The following DENND2A variants were observed in gnomAD, a reference collection of about 807,000 sequenced individuals.
The protein encoded by DENND2A is DENN domain-containing protein 2A.
In DENND2A, 53 loss-of-function variants were observed where a neutral mutation model predicts 105.3. The observed-to-expected ratio is 0.50, with a 90% confidence interval of 0.40 to 0.63. The LOEUF (loss-of-function observed/expected upper bound fraction) is 0.63. Ranked by LOEUF, DENND2A falls within the 30% of genes least tolerant of loss-of-function variation. DENND2A has a pLI of 0.00. For missense variants in DENND2A, 1,138 were observed against 1,279.6 expected (o/e 0.89, Z 1.69); for synonymous variants, 522 against 508.4 (o/e 1.03, Z -0.36).
intron 1 of DENND2A, among the ~76,000 whole-genome samples, chr7:140,627,654 T>C (rs1800583430): frequency 6.6e-6 from 1 of 151,986 alleles, no homozygotes; most frequent in Admixed American, 6.6e-5. Context: ...CCCAATTAGC[T>C]GGGACCAAAG....
At chr7:140,564,395 G>A (rs1797754056) in intron 9 of DENND2A, among the ~76,000 whole-genome samples, 1 of 151,984 alleles carries the variant, frequency 6.6e-6, no homozygotes, top group African/African-American at 2.4e-5. Flanking sequence ...TCACATATTG[G>A]AACATTGTAT....
intron 5 of DENND2A, among the ~76,000 whole-genome samples, chr7:140,579,123 T>C (rs986110041): frequency 6.6e-6 from 1 of 151,970 alleles, no homozygotes; most frequent in African/African-American, 2.4e-5. Context: ...TGAAACCCCA[T>C]CTCTACTAAA....
intron 1 of DENND2A, among the ~76,000 whole-genome samples, chr7:140,633,370 G>T (rs770126800): frequency 6.6e-6 from 1 of 151,768 alleles, no homozygotes; most frequent in Non-Finnish European, 1.5e-5. Context: ...GGCCAGGCTG[G>T]TCTCAAACTC....
At chr7:140,626,428 C>T (rs184483061) in intron 1 of DENND2A, among the ~76,000 whole-genome samples, 50 of 152,282 alleles carry the variant, frequency 3.3e-4, no homozygotes, top group African/African-American at 1.1e-3. Flanking sequence ...AAGGACCACC[C>T]GGTGTGATCT....
At chr7:140,540,875 G>A (rs1476010068) in intron 14 of DENND2A, among the ~76,000 whole-genome samples, 11 of 152,006 alleles carry the variant, frequency 7.2e-5, no homozygotes, top group African/African-American at 2.7e-4. Flanking sequence ...ACGCCACCAC[G>A]ACCAGCTAAT....
chr7:140,614,004 T>C (rs1323880789), intron 1 of DENND2A, among the ~76,000 whole-genome samples: 1 of 152,212 alleles, frequency 6.6e-6, no homozygotes, highest in Non-Finnish European at 1.5e-5. Context: ...TCCCCTTTTT[T>C]CTTTTCCTCC....
chr7:140,604,610 C>T (rs984264237), intron 2 of DENND2A, among the ~76,000 whole-genome samples: 1 of 152,238 alleles, frequency 6.6e-6, no homozygotes, highest in Middle Eastern at 3.2e-3. Flanking sequence ...AGGACAGACA[C>T]ACACATTAAA....
intron 2 of DENND2A, among the ~76,000 whole-genome samples, chr7:140,602,928 G>A (rs1054635013): frequency 6.6e-6 from 1 of 152,076 alleles, no homozygotes; most frequent in Non-Finnish European, 1.5e-5. Flanking sequence ...ATTCAGTCAC[G>A]TGACCTTAGG....
intron 3 of DENND2A, among the ~76,000 whole-genome samples, chr7:140,598,988 C>G (rs575031511): frequency 9.2e-5 from 14 of 152,036 alleles, no homozygotes; most frequent in Non-Finnish European, 2.1e-4. Context: ...CCAAGAGGAT[C>G]AACTGACTAA....
intron 1 of DENND2A, among the ~76,000 whole-genome samples, chr7:140,627,734 G>A (rs932857727): frequency 1.3e-5 from 2 of 151,116 alleles, no homozygotes; most frequent in South Asian, 4.2e-4. Context: ...GATTTGTTGT[G>A]CGGGCTGGTC....
chr7:140,540,005 T>C (rs950134654), intron 14 of DENND2A, among the ~76,000 whole-genome samples: 3 of 152,232 alleles, frequency 2.0e-5, no homozygotes, highest in Non-Finnish European at 4.4e-5. Context: ...CCGCGTCTTA[T>C]GAACGAGGAG....
chr7:140,634,062 G>A (rs1465911307), intron 1 of DENND2A, among the ~76,000 whole-genome samples: 12 of 149,998 alleles, frequency 8.0e-5, no homozygotes, highest in African/African-American at 2.7e-4. Context: ...GCAGTGGCGC[G>A]ACCTCGGCTC....
chr7:140,525,232 G>A (rs1796016296), intron 16 of DENND2A, among the ~76,000 whole-genome samples: 1 of 147,642 alleles, frequency 6.8e-6, no homozygotes. Context: ...TCCACTCACT[G>A]CAACCTCCAC....
At chr7:140,586,169 C>A (rs1798770802) in intron 4 of DENND2A, among the ~76,000 whole-genome samples, 1 of 151,880 alleles carries the variant, frequency 6.6e-6, no homozygotes, top group Non-Finnish European at 1.5e-5. Context: ...TGGTGGCAGC[C>A]ATTGTGGGGA....
intron 5 of DENND2A, among the ~76,000 whole-genome samples, chr7:140,584,950 G>A (rs1798717244): frequency 6.6e-6 from 1 of 152,200 alleles, no homozygotes; most frequent in South Asian, 2.1e-4. Flanking sequence ...TGTAATCCCA[G>A]CACTTTGGGA....
At chr7:140,635,773 G>A (rs1800903284) in intron 1 of DENND2A, among the ~76,000 whole-genome samples, 2 of 152,146 alleles carry the variant, frequency 1.3e-5, no homozygotes, top group South Asian at 4.1e-4. Flanking sequence ...GGACAAACGT[G>A]CCAAAGAGAA....
At chr7:140,638,566 T>A (rs1801045354) in intron 1 of DENND2A, among the ~76,000 whole-genome samples, 1 of 152,146 alleles carries the variant, frequency 6.6e-6, no homozygotes, top group African/African-American at 2.4e-5. Context: ...CAGTGCATAC[T>A]CCTGCCTCCT....
At chr7:140,590,244 G>C (rs1798958921) in intron 3 of DENND2A, among the ~76,000 whole-genome samples, 1 of 152,088 alleles carries the variant, frequency 6.6e-6, no homozygotes. Context: ...ACAAAAATTA[G>C]CTGGGCATGG....
At position 140,559,106 on chromosome 7, in the gene DENND2A, C is replaced by T. The variant is rs949053453; in HGVS notation, c.1889+602G>A. The stretch of plus-strand genomic sequence containing the variant: ...CATCTGCTCATCTAGGGATGTGACT[C>T]GGTGAGGGAGCAGCGGAAGATGGGG... On this transcript the variant is annotated intron_variant, in intron 10 of 19. Transcript: ENST00000496613. The surrounding 1 kb of genome is among the most constrained non-coding windows in gnomAD (Gnocchi z 4.1). Among the ~76,000 whole-genome samples the T allele has an allele frequency of 1.3e-5, 2 of 152,122 alleles. No homozygotes were observed. Among genetic ancestry groups the T allele is most frequent in the Admixed American group, 6.6e-5 (1 of 15,260 alleles).
Sources: gnomAD v4.1 joint callset for allele counts (sites outside exome capture counted in the v4.1 genomes callset) on GRCh38, gnomAD v4.1.1 for gene constraint, Gnocchi (gnomAD v3.1) non-coding constraint, MANE v1.5 for transcripts, NCBI Gene and HGNC (gene_info 2026-07-23, HGNC 2026-07-21) for gene names.